The following CPT1C variants were observed in gnomAD, a reference collection of about 807,000 sequenced individuals.
CPT1C encodes the protein palmitoyl thioesterase CPT1C.
A neutral mutation model predicts 97.3 loss-of-function variants in CPT1C; 61 were observed. The observed-to-expected ratio is 0.63, with a 90% CI of 0.51 to 0.78. The LOEUF (loss-of-function observed/expected upper bound fraction) is 0.78, where lower values mean the gene tolerates loss of function less well. Ranked by LOEUF, CPT1C falls within the 30% of genes least tolerant of loss-of-function variation. The pLI, the probability that CPT1C is intolerant of heterozygous loss-of-function variation, is 0.00. For missense variants in CPT1C, 975 were observed against 1,065.5 expected (o/e 0.92, Z 1.18); for synonymous variants, 469 against 447.2 (o/e 1.05, Z -0.61).
Position 49,702,833 on chromosome 19 carries a change from G to A in CPT1C, c.693+1199G>A, listed in dbSNP as rs564807068. Among the ~76,000 whole-genome samples, 349 of 151,850 alleles carry A rather than the reference G, an allele frequency of 2.3e-3. 1 individual carries two copies. The highest frequency in any genetic ancestry group is 7.5e-3 in the African/African-American group (310 of 41,362). ...GCGGGAGGCTGCAGAGGAAGCTACCGTGAGACCTACCATTGTAGGTCATTG... is the reference window on the plus strand; with the variant it reads ...GCGGGAGGCTGCAGAGGAAGCTACCATGAGACCTACCATTGTAGGTCATTG... On this transcript the variant is annotated intron_variant, in intron 7 of 19. Transcript: ENST00000598293.
intron 13 of CPT1C, 140 bp downstream of exon 13, chr19:49,707,763 G>A (rs2083587736): frequency 3.6e-6 from 2 of 554,684 alleles, no homozygotes; most frequent in South Asian, 2.4e-5. Flanking sequence ...AGCATTTTGG[G>A]AGGCCGAGGT....
intron 7 of CPT1C, among the ~76,000 whole-genome samples, chr19:49,702,196 AT>A (rs1353995340): frequency 3.7e-5 from 5 of 134,214 alleles, no homozygotes; most frequent in African/African-American, 1.4e-4. Flanking sequence ...ATAGGCTTAT[AT>A]ATTTATTTAT....
At chr19:49,702,089 T>TTATTTATAAATTATAAATATATATA (rs1568521651) in intron 7 of CPT1C, among the ~76,000 whole-genome samples, 2 of 103,892 alleles carry the variant, frequency 1.9e-5, no homozygotes, top group Non-Finnish European at 3.8e-5. Context: ...AAATATATAT[T>TTATTTATAAATTATAAATATATATA]TATTTATAAA....
At chr19:49,708,543 T>C (rs989051143) in intron 13 of CPT1C, among the ~76,000 whole-genome samples, 180 bp from the exon 14 acceptor site, 8 of 152,140 alleles carry the variant, frequency 5.3e-5, no homozygotes, top group African/African-American at 1.9e-4. Flanking sequence ...CAGTTGAGTA[T>C]TGGTGTTAGT....
At chr19:49,712,035 G>C in intron 17 of CPT1C, 74 bp downstream of exon 17, 1 of 1,546,286 alleles carries the variant, frequency 6.5e-7, no homozygotes, top group Non-Finnish European at 8.8e-7. Flanking sequence ...AGGGAAGGAG[G>C]GTGATGTTGA....
At position 49,701,305 on chromosome 19, in the gene CPT1C, C is replaced by T. The variant is rs369221107; in HGVS notation, c.454-12C>T. ...GTGAGGGGTTAATGACCCGGTAACT[C>T]CTCCTCCCCAGGCCCTGGTCCGCAT... On this transcript the variant is annotated splice_polypyrimidine_tract_variant and intron_variant, in intron 5 of 19. Transcript: ENST00000598293. 2 of 1,607,736 alleles carry T rather than the reference C, an allele frequency of 1.2e-6. No individual in the cohort carries two copies. Among genetic ancestry groups the T allele is most frequent in the Non-Finnish European group, 1.7e-6 (2 of 1,177,360 alleles).
chr19:49,708,007 A>G (rs1388618656), intron 13 of CPT1C, among the ~76,000 whole-genome samples: 1 of 115,050 alleles, frequency 8.7e-6, no homozygotes, highest in African/African-American at 3.9e-5. Flanking sequence ...CATCTCAAAA[A>G]AAAAAAAAAA....
Position 49,705,081 on chromosome 19 carries a change from C to G in CPT1C, c.846C>G (p.Tyr282Ter), listed in dbSNP as rs2083425394. The G allele has an allele frequency of 1.2e-6, 2 of 1,613,818 alleles. No homozygotes were observed. Among genetic ancestry groups the G allele is most frequent in the African/African-American group, 1.3e-5 (1 of 74,882 alleles). The part of the protein sequence containing the change: ...AGNAVHALLL[Y>*]RHRLNRQEIP... ...ATGCCGTCCATGCCCTCCTCCTGTA[C>G]CGCCACCGCCTGAACCGCCAGGAGA... The change falls in exon 9 of 20, where the codon TAC becomes TAG. Residue 282 changes from tyrosine (Y) to a stop codon, truncating the protein, a stop_gained. Transcript: ENST00000598293. LOFTEE classifies it high-confidence loss of function.
intron 17 of CPT1C, 157 bp from the exon 18 acceptor site, chr19:49,712,579 G>T: frequency 1.6e-6 from 1 of 625,068 alleles, no homozygotes; most frequent in Non-Finnish European, 2.9e-6. Flanking sequence ...TGAGGGGCGT[G>T]GCCAGATAGG....
Position 49,706,500 on chromosome 19 carries a change from C to A in CPT1C, c.1343+87C>A. On this transcript the variant is annotated intron_variant, in intron 12 of 19. Coordinates refer to ENST00000598293, the MANE Select transcript of CPT1C (RefSeq NM_001199753.2). The surrounding 1 kb of genome is among the most constrained non-coding windows in gnomAD (Gnocchi z 4.8). ...GGACCCCTGACAGTAGACAGCCAGA[C>A]CCTGGAGCCCACACCTGCAGAGTCT... 8.5e-7 allele frequency: 1 copy of A among 1,173,798 alleles called. No homozygotes were observed. Among genetic ancestry groups the A allele is most frequent in the Non-Finnish European group, 1.1e-6 (1 of 896,720 alleles). 72.7% of individuals were successfully genotyped at this position (1,173,798 alleles called of 1,614,324 possible).
chr19:49,704,328 C>T lies in CPT1C; in HGVS notation c.694-382C>T, dbSNP rs140919714. 4.4e-3 allele frequency among the ~76,000 whole-genome samples: 665 copies of T among 152,208 alleles called. 4 individuals are homozygous for T. Among genetic ancestry groups the T allele is most frequent in the African/African-American group, 0.015 (632 of 41,548 alleles). ...CCGGGATTACAGGCGTGCACCACCA[C>T]GTGTGGCTAATGTTTGTATTTTTAG... On this transcript the variant is annotated intron_variant, in intron 7 of 19. Transcript: ENST00000598293.
Position 49,704,807 on chromosome 19 carries a change from G to T in CPT1C, c.771+20G>T. 6.2e-7 allele frequency: 1 copy of T among 1,609,954 alleles called. No individual in the cohort carries two copies. The highest frequency in any genetic ancestry group is 8.5e-7 in the Non-Finnish European group (1 of 1,176,248). On this transcript the variant is annotated intron_variant, in intron 8 of 19. Coordinates refer to ENST00000598293, the MANE Select transcript of CPT1C (RefSeq NM_001199753.2). ...ATGATGGTGAGAAGGGGAGGGGTGA[G>T]GTTCATAGGCCCCAGGTCTAGGGTT...
intron 7 of CPT1C, among the ~76,000 whole-genome samples, chr19:49,704,379 C>T (rs1301413540): frequency 1.3e-5 from 2 of 152,164 alleles, no homozygotes; most frequent in Non-Finnish European, 2.9e-5. Context: ...ATCATGTTGG[C>T]CAGGCTGGTC....
chr19:49,701,480 C>A lies in CPT1C; in HGVS notation c.556-17C>A, dbSNP rs1003003123. 1 of 1,597,946 alleles carries A rather than the reference C, an allele frequency of 6.3e-7. No individual in the cohort carries two copies. Among genetic ancestry groups the A allele is most frequent in the African/African-American group, 1.3e-5 (1 of 74,452 alleles). On this transcript the variant is annotated splice_polypyrimidine_tract_variant and intron_variant, in intron 6 of 19. Transcript: ENST00000598293. ...GGGGCGGGCCGGGGGCGTGACCTGC[C>A]CTCTTCTCCCCTTTAGTACCTGGAG...
intron 3 of CPT1C, among the ~76,000 whole-genome samples, chr19:49,693,236 A>G (rs932223358): frequency 4.6e-5 from 7 of 152,074 alleles, no homozygotes; most frequent in African/African-American, 1.4e-4. Flanking sequence ...ACCAGCACCC[A>G]TGTCTGTCCC....
rs764172389 is a variant in CPT1C, at chr19:49,706,044, A to G, written c.1100A>G (p.Asp367Gly). 6.2e-7 allele frequency: 1 copy of G among 1,613,794 alleles called. No homozygotes were observed. The highest frequency in any genetic ancestry group is 1.1e-5 in the South Asian group (1 of 91,052). Residue 367 changes from aspartate to glycine, a missense_variant, in exon 11 of 20, where the codon GAT (aspartate) becomes GGT (glycine). Asp to Gly is a moderately conservative substitution (Grantham distance 94). This residue lies in a region of CPT1C where 596 missense variants were observed against 603.1 expected (regional missense o/e 0.99). Transcript: ENST00000598293. This position sits in a 1 kb window ranked among gnomAD's most constrained non-coding sequence, Gnocchi z 4.8. ...GAGCAGCAGTTTCAGAGAATCCTGG[A>G]TGATCCCTCACCGGCCTGCCCCCAC... ...ALEQQFQRIL[D>G]DPSPACPHEE...
At chr19:49,691,439 C>G (rs1225158895) in intron 1 of CPT1C, 99 bp downstream of exon 1, 1 of 152,052 alleles carries the variant, frequency 6.6e-6, no homozygotes, top group East Asian at 1.9e-4. Flanking sequence ...CCTCGACGCT[C>G]GCCTCCGCTC....
chr19:49,713,559 G>A lies in CPT1C; in HGVS notation c.2366G>A (p.Arg789His), dbSNP rs545963319. The change falls in exon 20 of 20, where the codon CGC becomes CAC. Residue 789 changes from arginine to histidine, a missense_variant. By Grantham distance (29) the Arg-to-His change is conservative. Around this residue, in one of 3 missense-constraint regions of CPT1C, gnomAD observed 344 missense variants for 395.7 expected, o/e 0.87. Coordinates refer to ENST00000598293, the MANE Select transcript of CPT1C (RefSeq NM_001199753.2). ...AGGCACAGGTGTGGATTTCTCTCCC[G>A]CCAGACTGGGGCCTCCAAGGCCTCA... Reference protein sequence around the residue: ...NSRHRCGFLSRQTGASKASMT... With the variant: ...NSRHRCGFLSHQTGASKASMT... The A allele has an allele frequency of 5.5e-5, 89 of 1,613,870 alleles. No individual in the cohort carries two copies. The South Asian group carries it at 5.7e-4, about 10-fold the overall frequency.
chr19:49,698,729 G>A (rs2082819149), intron 4 of CPT1C, among the ~76,000 whole-genome samples: 1 of 151,928 alleles, frequency 6.6e-6, no homozygotes, highest in Non-Finnish European at 1.5e-5. Context: ...GGATCTCATC[G>A]TTGTTGATTG....
Sources: gnomAD v4.1 joint callset for allele counts (sites outside exome capture counted in the v4.1 genomes callset) on GRCh38, gnomAD v4.1.1 for gene constraint, gnomAD v4.1.1 regional missense constraint, Gnocchi (gnomAD v3.1) non-coding constraint, MANE v1.5 for transcripts, NCBI Gene and HGNC (gene_info 2026-07-23, HGNC 2026-07-21) for gene names.